Variants in MDGA1 observed in about 807,000 individuals in gnomAD.
The protein encoded by MDGA1 is MAM domain containing glycosylphosphatidylinositol anchor 1.
MDGA1 carries 54 observed loss-of-function variants against 101.5 expected under a neutral mutation model. The ratio of observed to expected loss-of-function variants is 0.53; its 90% CI spans 0.43 to 0.67. The LOEUF is 0.67. Ranked by LOEUF, MDGA1 falls within the 30% of genes least tolerant of loss-of-function variation. The pLI, the probability that MDGA1 is intolerant of heterozygous loss-of-function variation, is 0.00. For missense variants in MDGA1, 1,083 were observed against 1,323.8 expected, an observed-to-expected ratio of 0.82 and a Z score of 2.82; for synonymous variants, 533 against 558.3, an observed-to-expected ratio of 0.95 and a Z score of 0.64.
chr6:37,688,952 C>A (rs1762253773), intron 1 of MDGA1, among the ~76,000 whole-genome samples: 1 of 152,170 alleles, frequency 6.6e-6, no homozygotes, highest in Non-Finnish European at 1.5e-5. Flanking sequence ...ATCGGCACCA[C>A]CAGATTCACG....
Position 37,650,127 on chromosome 6 carries a change from C to G in MDGA1, c.1591G>C (p.Val531Leu), listed in dbSNP as rs1284115140. 4 of 1,606,660 alleles carry G rather than the reference C, an allele frequency of 2.5e-6. No homozygotes were observed. The South Asian group carries it at 4.4e-5, about 18-fold the overall frequency. Residue 531 changes from valine to leucine, a missense_variant, in exon 8 of 17, where the codon GTG (valine) becomes CTG (leucine). Val to Leu is a conservative substitution (Grantham distance 32). Coordinates refer to ENST00000434837, the MANE Select transcript of MDGA1 (RefSeq NM_153487.4). The part of the protein sequence containing the change: ...GFNVRPREAQ[V>L]QLNVQFPPEV... ...GACTCACACTGCACGTTCAGCTGCA[C>G]CTGGGCCTCACGGGGGCGCACGTTG...
chr6:37,681,567 C>T (rs890796897), intron 1 of MDGA1, among the ~76,000 whole-genome samples: 11 of 152,252 alleles, frequency 7.2e-5, no homozygotes, highest in African/African-American at 2.4e-4. Flanking sequence ...TACATATTAT[C>T]GTGTGCAACA....
At chr6:37,654,987 C>T (rs558852817) in intron 4 of MDGA1, 55 bp from the exon 5 acceptor site, 26 of 1,596,846 alleles carry the variant, frequency 1.6e-5, no homozygotes, top group South Asian at 7.8e-5. Flanking sequence ...CCAGGGATCC[C>T]GCATACTCAT....
chr6:37,671,097 C>T (rs994630090), intron 1 of MDGA1, among the ~76,000 whole-genome samples: 7 of 152,188 alleles, frequency 4.6e-5, no homozygotes, highest in Non-Finnish European at 1.0e-4. Context: ...TTTCTATCAA[C>T]AAAACCCCAT....
chr6:37,671,408 T>A (rs534217912), intron 1 of MDGA1, among the ~76,000 whole-genome samples: 1 of 152,126 alleles, frequency 6.6e-6, no homozygotes, highest in Non-Finnish European at 1.5e-5. Context: ...AAAAGCTTAA[T>A]ACAAAACTGA....
Position 37,649,204 on chromosome 6 carries a change from G to A in MDGA1, c.1672C>T (p.Leu558=). The A allele has an allele frequency of 6.6e-7, 1 of 1,510,562 alleles. No individual in the cohort carries two copies. Among genetic ancestry groups the A allele is most frequent in the Non-Finnish European group, 8.8e-7 (1 of 1,137,240 alleles). The allele number at this position is 1,510,562 out of a possible 1,614,324, so 93.6% of individuals were successfully genotyped here. ...CTGCCTCGCAGCAGCGAGCAGCGCA[G>A]GAGCACGGGCCGGCCCAGCGCCTGG... is the stretch of plus-strand genomic sequence containing the variant. ...VRQALGRPVL[L]RCSLLRGSPQ... Residue 558 remains leucine (L), a synonymous_variant, in exon 9 of 17, where the codon CTG becomes TTG. Transcript: ENST00000434837.
intron 12 of MDGA1, among the ~76,000 whole-genome samples, chr6:37,645,083 G>A (rs941565831): frequency 2.6e-5 from 4 of 152,136 alleles, no homozygotes; most frequent in Admixed American, 6.5e-5. Flanking sequence ...GGATATAAAT[G>A]ATATTTAGAG....
intron 1 of MDGA1, among the ~76,000 whole-genome samples, chr6:37,681,618 G>A (rs958941330): frequency 6.6e-6 from 1 of 152,242 alleles, no homozygotes; most frequent in Non-Finnish European, 1.5e-5. Flanking sequence ...ACATGCCAGT[G>A]TATATTACAT....
At chr6:37,650,622 A>T (rs1383055771) in intron 7 of MDGA1, among the ~76,000 whole-genome samples, 1 of 152,258 alleles carries the variant, frequency 6.6e-6, no homozygotes, top group Admixed American at 6.5e-5. Flanking sequence ...CAACTCAAAA[A>T]GAGACCTGAA....
chr6:37,670,137 A>C (rs1343411004), intron 1 of MDGA1, among the ~76,000 whole-genome samples: 1 of 152,244 alleles, frequency 6.6e-6, no homozygotes, highest in Non-Finnish European at 1.5e-5. Flanking sequence ...CATTTATAAA[A>C]TAAGAACAAT....
intron 1 of MDGA1, among the ~76,000 whole-genome samples, chr6:37,671,388 A>T (rs1464505233): frequency 1.3e-5 from 2 of 152,174 alleles, no homozygotes; most frequent in African/African-American, 4.8e-5. Flanking sequence ...GTTCTGTAAA[A>T]TTAGTGGAGA....
At chr6:37,665,296 G>A (rs6903441) in intron 1 of MDGA1, among the ~76,000 whole-genome samples, 91,724 of 151,966 alleles carry the variant, frequency 0.6, 27,957 homozygotes, top group African/African-American at 0.66. Flanking sequence ...AAGGTAGAAG[G>A]CCTGATACTG....
chr6:37,647,369 G>A (rs1411813134), intron 9 of MDGA1, 45 bp from the exon 10 acceptor site: 2 of 1,313,528 alleles, frequency 1.5e-6, no homozygotes, highest in Non-Finnish European at 2.1e-6. Flanking sequence ...AGGGTGCAGG[G>A]GAGACACAAA....
chr6:37,658,754 T>C (rs1761554415), intron 2 of MDGA1, among the ~76,000 whole-genome samples: 1 of 152,146 alleles, frequency 6.6e-6, no homozygotes. Flanking sequence ...GCGGATCACC[T>C]GAGCTCATGA....
At chr6:37,665,559 G>A (rs1165932940) in intron 1 of MDGA1, among the ~76,000 whole-genome samples, 1 of 152,184 alleles carries the variant, frequency 6.6e-6, no homozygotes, top group Non-Finnish European at 1.5e-5. Flanking sequence ...CTGGAGATAA[G>A]CAATGCTGAA....
Position 37,655,789 on chromosome 6 carries a change from G to T in MDGA1, c.490C>A (p.Pro164Thr). Residue 164 changes from proline (P) to threonine (T), a missense_variant, in exon 4 of 17, where the codon CCT (proline) becomes ACT (threonine). Coordinates refer to ENST00000434837, the MANE Select transcript of MDGA1 (RefSeq NM_153487.4). This position sits in a 1 kb window ranked among gnomAD's most constrained non-coding sequence, Gnocchi z 5.1. ...CCCCGCTTCCAGATGAAGCGGGCAG[G>T]CGGGTTGGAGTTGACAGTACAGCGC... The part of the protein sequence containing the change: ...FLRCTVNSNP[P>T]ARFIWKRGSD... 6.2e-7 allele frequency: 1 copy of T among 1,613,668 alleles called. No homozygotes were observed. The highest frequency in any genetic ancestry group is 1.1e-5 in the South Asian group (1 of 90,970).
At chr6:37,656,920 G>A (rs551724973) in intron 3 of MDGA1, among the ~76,000 whole-genome samples, 58 of 152,260 alleles carry the variant, frequency 3.8e-4, no homozygotes, top group African/African-American at 1.3e-3. Context: ...AGAGCATTAC[G>A]TGGAGATTTT....
rs778228880 is a variant in MDGA1 at position 37,697,629 on chromosome 6, G to A, written c.-818C>T. Reference sequence around the variant, plus strand: ...CTCGCCCAGGCCGGGGCTGCGGCGCGGGCGCCGCTCGCCGCCTCCGCTCGC... The same window carrying A: ...CTCGCCCAGGCCGGGGCTGCGGCGCAGGCGCCGCTCGCCGCCTCCGCTCGC... On this transcript the variant is annotated 5_prime_UTR_variant, in exon 1 of 17. Transcript: ENST00000434837. The A allele has an allele frequency of 1.3e-5, 2 of 151,902 alleles. No homozygotes were observed. The highest frequency in any genetic ancestry group is 2.9e-5 in the Non-Finnish European group (2 of 67,984). The allele number at this position is 151,902 out of a possible 1,614,324, so 9.4% of individuals were successfully genotyped here.
chr6:37,668,249 TAAAA>T (rs59059592), intron 1 of MDGA1, among the ~76,000 whole-genome samples: 1,336 of 129,124 alleles, frequency 0.01, 26 homozygotes, highest in African/African-American at 0.037. Context: ...AGATTCTGTC[TAAAA>T]AAAAAAAAAA....
Sources: allele counts gnomAD v4.1 joint callset (sites outside exome capture counted in the v4.1 genomes callset), GRCh38; gene constraint gnomAD v4.1.1; non-coding constraint Gnocchi (gnomAD v3.1); transcripts MANE v1.5; gene names NCBI Gene and HGNC (gene_info 2026-07-23, HGNC 2026-07-21).